The following DDX10 variants were observed in gnomAD, a reference collection of about 807,000 sequenced individuals.
DDX10 encodes the protein DEAD-box helicase 10.
In DDX10, 74 loss-of-function variants were observed where a neutral mutation model predicts 104.3. The observed-to-expected ratio is 0.71, with a 90% CI of 0.59 to 0.86. DDX10 has a LOEUF of 0.86. DDX10 is among the 40% of genes least tolerant of loss of function. The probability of loss-of-function intolerance (pLI) is 0.00; values close to 1 mark genes in which losing one functional copy is unlikely to be tolerated. For missense variants in DDX10, 952 were observed against 1,040.0 expected, an observed-to-expected ratio of 0.92 and a Z score of 1.16; for synonymous variants, 351 against 353.4, an observed-to-expected ratio of 0.99 and a Z score of 0.08.
chr11:108,798,569 G>C (rs1226478172), intron 13 of DDX10, among the ~76,000 whole-genome samples: 1 of 152,100 alleles, frequency 6.6e-6, no homozygotes, highest in African/African-American at 2.4e-5. Flanking sequence ...TTTGTGACTG[G>C]CTTGTTTCAC....
chr11:108,795,756 G>C (rs932496476), intron 13 of DDX10, among the ~76,000 whole-genome samples: 2 of 152,054 alleles, frequency 1.3e-5, no homozygotes, highest in African/African-American at 2.4e-5. Flanking sequence ...GGACATTTGG[G>C]TTGGTTCCAA....
rs776316351 is a variant in DDX10, at chr11:108,677,079, T to C, written c.379-6T>C. Reference sequence around the variant, plus strand: ...TTACTGAACATGAATTTGCTGTCTTTTTGAGGTGCTGGAAGCCTTATATCG... The same window carrying C: ...TTACTGAACATGAATTTGCTGTCTTCTTGAGGTGCTGGAAGCCTTATATCG... On this transcript the variant is annotated splice_polypyrimidine_tract_variant and splice_region_variant and intron_variant, in intron 3 of 17. Transcript: ENST00000322536. 4.4e-6 allele frequency: 7 copies of C among 1,597,718 alleles called. No homozygotes were observed. The African/African-American group carries it at 6.7e-5, about 15-fold the overall frequency.
chr11:108,877,102 A>C (rs1477908503), intron 16 of DDX10, among the ~76,000 whole-genome samples: 1 of 152,222 alleles, frequency 6.6e-6, no homozygotes, highest in African/African-American at 2.4e-5. Context: ...GGAAAATTCA[A>C]AACTCTGAAT....
intron 13 of DDX10, among the ~76,000 whole-genome samples, chr11:108,814,629 A>C (rs2134571222): frequency 6.6e-6 from 1 of 152,348 alleles, no homozygotes; most frequent in African/African-American, 2.4e-5. Context: ...TCTTGAGCTT[A>C]AAATCTTGAA....
At chr11:108,748,182 G>A (rs1161389058) in intron 13 of DDX10, among the ~76,000 whole-genome samples, 1 of 152,184 alleles carries the variant, frequency 6.6e-6, no homozygotes, top group Non-Finnish European at 1.5e-5. Flanking sequence ...CAGCCACAGG[G>A]TGGAAGGCTC....
intron 1 of DDX10, among the ~76,000 whole-genome samples, chr11:108,671,364 A>G (rs932972856): frequency 1.3e-5 from 2 of 152,170 alleles, no homozygotes; most frequent in African/African-American, 4.8e-5. Flanking sequence ...GGGTTTCGCC[A>G]TGTTGGCCAG....
chr11:108,852,549 T>A (rs1426209504), intron 16 of DDX10, among the ~76,000 whole-genome samples: 3 of 152,202 alleles, frequency 2.0e-5, no homozygotes, highest in African/African-American at 7.2e-5. Flanking sequence ...CCAGGCCTGA[T>A]AGGATTTTCA....
Position 108,677,225 on chromosome 11 carries a change from T to G in DDX10, c.519T>G (p.Gly173=). Residue 173 remains glycine (G), a synonymous_variant, in exon 4 of 18, where the codon GGT becomes GGG. Coordinates refer to ENST00000322536, the MANE Select transcript of DDX10 (RefSeq NM_004398.4). ...KVGKNHDFSA[G]LIIGGKDLKH... ...GAAAGAATCATGACTTCTCAGCTGG[T>G]CTCATCATTGGTGGAAAGGTTTGTC... 1.2e-6 allele frequency: 2 copies of G among 1,613,698 alleles called. No individual in the cohort carries two copies. The highest frequency in any genetic ancestry group is 1.7e-6 in the Non-Finnish European group (2 of 1,179,738).
chr11:108,823,878 C>G (rs1041503789), intron 13 of DDX10, among the ~76,000 whole-genome samples: 5 of 152,164 alleles, frequency 3.3e-5, no homozygotes, highest in Admixed American at 6.5e-5. Flanking sequence ...TGATGCTCTC[C>G]CATTTTGTTC....
At chr11:108,731,516 CT>C (rs34825787) in intron 13 of DDX10, among the ~76,000 whole-genome samples, 166 of 142,742 alleles carry the variant, frequency 1.2e-3, no homozygotes, top group Middle Eastern at 3.7e-3. Flanking sequence ...AATTGGGTTT[CT>C]TTTTTTTTTT....
intron 6 of DDX10, among the ~76,000 whole-genome samples, chr11:108,687,394 G>A (rs944652702): frequency 2.6e-5 from 4 of 151,946 alleles, no homozygotes; most frequent in East Asian, 3.9e-4. Context: ...CTGCAGCCTC[G>A]AACTCCCTAG....
intron 13 of DDX10, among the ~76,000 whole-genome samples, chr11:108,788,506 G>T (rs947400370): frequency 1.3e-5 from 2 of 152,114 alleles, no homozygotes; most frequent in Non-Finnish European, 2.9e-5. Flanking sequence ...GGGATTACAG[G>T]TATGCGCCAC....
chr11:108,708,210 TAAAA>T (rs10602059), intron 10 of DDX10, among the ~76,000 whole-genome samples: 7,561 of 127,132 alleles, frequency 0.059, 661 homozygotes, highest in African/African-American at 0.2. Flanking sequence ...TTTACTGAGT[TAAAA>T]AAAAAAAAAA....
intron 6 of DDX10, among the ~76,000 whole-genome samples, chr11:108,687,935 T>A (rs1456293233): frequency 1.3e-5 from 2 of 152,200 alleles, no homozygotes; most frequent in African/African-American, 2.4e-5. Flanking sequence ...TATGGATATA[T>A]AATGTATAGC....
At chr11:108,916,529 C>T (rs1863753009) in intron 16 of DDX10, among the ~76,000 whole-genome samples, 1 of 152,170 alleles carries the variant, frequency 6.6e-6, no homozygotes, top group Admixed American at 6.5e-5. Context: ...CATAATAGTG[C>T]TAGCACAGTC....
chr11:108,725,699 C>T (rs962373367), intron 13 of DDX10, among the ~76,000 whole-genome samples: 1 of 152,134 alleles, frequency 6.6e-6, no homozygotes, highest in African/African-American at 2.4e-5. Context: ...AATACATATC[C>T]TTAATCAGAT....
rs531841101 is a variant in DDX10 at position 108,778,724 on chromosome 11, T to C, written c.1965+55262T>C. Among the ~76,000 whole-genome samples the C allele has an allele frequency of 2.3e-3, 357 of 152,220 alleles. 2 individuals are homozygous for C. Among genetic ancestry groups the C allele is most frequent in the Non-Finnish European group, 4.2e-3 (283 of 68,010 alleles). On this transcript the variant is annotated intron_variant, in intron 13 of 17. Transcript: ENST00000322536. ...CTAATTAAACTAAAGAGCTTCTGCA[T>C]AGCAAAATAAACTACCATCAGAGTG...
At chr11:108,667,323 C>G (rs2094211386) in intron 1 of DDX10, among the ~76,000 whole-genome samples, 1 of 152,182 alleles carries the variant, frequency 6.6e-6, no homozygotes, top group South Asian at 2.1e-4. Flanking sequence ...TTAATTTGTC[C>G]TCTGTACTTC....
At chr11:108,887,266 G>A (rs1298753348) in intron 16 of DDX10, among the ~76,000 whole-genome samples, 1 of 151,952 alleles carries the variant, frequency 6.6e-6, no homozygotes, top group Non-Finnish European at 1.5e-5. Flanking sequence ...GATAGTCAAG[G>A]CTATTAATAA....
Sources: gnomAD v4.1 joint callset for allele counts (sites outside exome capture counted in the v4.1 genomes callset) on GRCh38, gnomAD v4.1.1 for gene constraint, MANE v1.5 for transcripts, NCBI Gene and HGNC (gene_info 2026-07-23, HGNC 2026-07-21) for gene names.